DCAF7: variants seen among roughly 807,000 people sequenced by gnomAD.
DCAF7 encodes DDB1- and CUL4-associated factor 7.
A neutral mutation model predicts 41.2 loss-of-function variants in DCAF7; 4 were observed. The ratio of observed to expected loss-of-function variants is 0.10; its 90% confidence interval spans 0.05 to 0.22. The LOEUF is 0.22. Among genes scored for constraint, DCAF7 ranks in the 10% least tolerant of loss-of-function variants. The pLI, the probability that DCAF7 is intolerant of heterozygous loss-of-function variation, is 1.00. For missense variants in DCAF7, 131 were observed against 443.2 expected, an observed-to-expected ratio of 0.30 and a Z score of 6.32; for synonymous variants, 143 against 164.2, an observed-to-expected ratio of 0.87 and a Z score of 0.99.
At position 63,591,956 on chromosome 17, in the gene DCAF7, AAATT is replaced by A. The variant is rs1489346845; in HGVS notation, c.*2786_*2789del. On this transcript the variant is annotated 3_prime_UTR_variant, in exon 7 of 7. Coordinates refer to ENST00000614556, the MANE Select transcript of DCAF7 (RefSeq NM_005828.5). The stretch of plus-strand genomic sequence containing the variant: ...TGACTGAAGGATGGAGGTGCTGAAT[AAATT>A]AGGCCTCAGGCCTCTACCACCAGAG... 1 of 152,320 alleles carries A rather than the reference AAATT, an allele frequency of 6.6e-6. No homozygotes were observed. Among genetic ancestry groups the A allele is most frequent in the African/African-American group, 2.4e-5 (1 of 41,482 alleles). 9.4% of individuals were successfully genotyped at this position (152,320 alleles called of 1,614,324 possible).
At chr17:63,564,468 A>G (rs1319464706) in intron 1 of DCAF7, among the ~76,000 whole-genome samples, 1 of 152,216 alleles carries the variant, frequency 6.6e-6, no homozygotes, top group Non-Finnish European at 1.5e-5. Context: ...TTTTATTAAT[A>G]ACCGAACAAG....
intron 1 of DCAF7, among the ~76,000 whole-genome samples, chr17:63,569,493 C>G (rs780366246): frequency 5.9e-5 from 9 of 152,142 alleles, no homozygotes; most frequent in Non-Finnish European, 1.2e-4. Flanking sequence ...AACAGTACCA[C>G]CAGGCCTGAT....
chr17:63,581,614 C>T (rs999443835), intron 4 of DCAF7, among the ~76,000 whole-genome samples: 3 of 152,214 alleles, frequency 2.0e-5, no homozygotes, highest in Non-Finnish European at 4.4e-5. Flanking sequence ...AAGCAGCCAG[C>T]AGATCTGAGA....
intron 1 of DCAF7, among the ~76,000 whole-genome samples, chr17:63,569,716 TTCTG>T (rs1317816739): frequency 6.6e-6 from 1 of 152,168 alleles, no homozygotes; most frequent in Non-Finnish European, 1.5e-5. Context: ...TTGTTTTTGT[TTCTG>T]TCTTTGTTTT....
At chr17:63,570,634 T>C (rs896685724) in intron 1 of DCAF7, among the ~76,000 whole-genome samples, 3 of 152,150 alleles carry the variant, frequency 2.0e-5, no homozygotes, top group African/African-American at 7.2e-5. Context: ...AGTCAGAAAG[T>C]AGTGCTCTGC....
intron 1 of DCAF7, among the ~76,000 whole-genome samples, chr17:63,562,780 T>C (rs1432238406): frequency 1.4e-5 from 2 of 146,832 alleles, no homozygotes; most frequent in African/African-American, 5.0e-5. Flanking sequence ...TGAGTGAGAA[T>C]ATGCACAAGA....
At chr17:63,574,151 T>G (rs1042063252) in intron 1 of DCAF7, among the ~76,000 whole-genome samples, 1 of 152,172 alleles carries the variant, frequency 6.6e-6, no homozygotes, top group African/African-American at 2.4e-5. Context: ...TGTGTGACCC[T>G]TCTGTTCTAC....
At chr17:63,585,747 A>G (rs1173744426) in intron 6 of DCAF7, among the ~76,000 whole-genome samples, 3 of 152,182 alleles carry the variant, frequency 2.0e-5, no homozygotes, top group African/African-American at 7.2e-5. Context: ...CTCTGGATGC[A>G]TCGGAGGGCC....
chr17:63,578,599 A>G lies in DCAF7; in HGVS notation c.268A>G (p.Thr90Ala), dbSNP rs1267712031. Residue 90 changes from threonine (T) to alanine (A), a missense_variant, in exon 2 of 7, where the codon ACA becomes GCA. Physicochemically the swap from Thr to Ala is moderately conservative, Grantham distance 58. Transcript: ENST00000614556. Reference protein sequence around the residue: ...TKGVYPDLLATSGDYLRVWRV... With the variant: ...TKGVYPDLLAASGDYLRVWRV... ...AGGCGTCTATCCAGACCTACTGGCA[A>G]CAAGCGGTGACTATCTCCGTGTGTG... 6.2e-7 allele frequency: 1 copy of G among 1,613,914 alleles called. No homozygotes were observed. Among genetic ancestry groups the G allele is most frequent in the Non-Finnish European group, 8.5e-7 (1 of 1,179,878 alleles).
intron 6 of DCAF7, among the ~76,000 whole-genome samples, chr17:63,588,018 A>T (rs1264937213): frequency 6.6e-6 from 1 of 151,166 alleles, no homozygotes; most frequent in Admixed American, 6.6e-5. Flanking sequence ...ATATGAGCAC[A>T]TTACGAATCA....
chr17:63,564,100 A>G (rs1434029191), intron 1 of DCAF7, among the ~76,000 whole-genome samples: 2 of 151,806 alleles, frequency 1.3e-5, no homozygotes, highest in Admixed American at 6.6e-5. Context: ...AAATTATGTG[A>G]TATCTTGGGG....
At chr17:63,572,710 G>C (rs1377488930) in intron 1 of DCAF7, among the ~76,000 whole-genome samples, 2 of 152,152 alleles carry the variant, frequency 1.3e-5, no homozygotes, top group African/African-American at 4.8e-5. Context: ...AATACTTCTT[G>C]AATGAATATA....
intron 1 of DCAF7, among the ~76,000 whole-genome samples, chr17:63,566,171 C>G (rs1024707734): frequency 6.6e-6 from 1 of 151,716 alleles, no homozygotes; most frequent in African/African-American, 2.4e-5. Context: ...GAGATCGAGA[C>G]CATCCTGGCT....
At chr17:63,567,414 A>G (rs1398163508) in intron 1 of DCAF7, among the ~76,000 whole-genome samples, 1 of 152,250 alleles carries the variant, frequency 6.6e-6, no homozygotes, top group Non-Finnish European at 1.5e-5. Flanking sequence ...GCTAAAACAC[A>G]CACTTGTGCA....
At chr17:63,554,698 T>C (rs2033293048) in intron 1 of DCAF7, among the ~76,000 whole-genome samples, 2 of 152,236 alleles carry the variant, frequency 1.3e-5, no homozygotes, top group African/African-American at 2.4e-5. Context: ...TGAGTTAATA[T>C]ATGTAATGGA....
At chr17:63,576,253 C>A (rs2033560618) in intron 1 of DCAF7, among the ~76,000 whole-genome samples, 1 of 151,368 alleles carries the variant, frequency 6.6e-6, no homozygotes, top group African/African-American at 2.4e-5. Flanking sequence ...ACTAGACTGG[C>A]CAAAATGGTG....
At chr17:63,586,677 G>A (rs1011930259) in intron 6 of DCAF7, among the ~76,000 whole-genome samples, 6 of 151,242 alleles carry the variant, frequency 4.0e-5, no homozygotes, top group East Asian at 1.9e-4. Context: ...CAGGAGAATC[G>A]CTTGAACCTG....
intron 1 of DCAF7, among the ~76,000 whole-genome samples, chr17:63,556,875 C>T (rs957320739): frequency 6.6e-6 from 1 of 151,850 alleles, no homozygotes; most frequent in African/African-American, 2.4e-5. Flanking sequence ...AAAGAAAAAA[C>T]AAATTAGCTG....
intron 1 of DCAF7, among the ~76,000 whole-genome samples, chr17:63,555,946 G>A (rs2033306408): frequency 6.6e-6 from 1 of 152,162 alleles, no homozygotes; most frequent in African/African-American, 2.4e-5. Flanking sequence ...AGAGCTCTCT[G>A]GTCAGCCTCT....
Sources: allele counts gnomAD v4.1 joint callset (sites outside exome capture counted in the v4.1 genomes callset), GRCh38; gene constraint gnomAD v4.1.1; transcripts MANE v1.5; gene names NCBI Gene and HGNC (gene_info 2026-07-23, HGNC 2026-07-21).